ADAM7: variants seen among roughly 807,000 people sequenced by gnomAD.
ADAM7 encodes disintegrin and metalloproteinase domain-containing protein 7.
In ADAM7, 97 loss-of-function variants were observed where a neutral mutation model predicts 102.9. The observed-to-expected ratio is 0.94, with a 90% CI of 0.80 to 1.12. The LOEUF is 1.12. ADAM7 is among the 50% of genes most tolerant of loss of function. The pLI is 0.00. For missense variants in ADAM7, 991 were observed against 908.7 expected (o/e 1.09, Z -1.16); for synonymous variants, 334 against 304.4 (o/e 1.10, Z -1.01).
At chr8:24,455,333 T>C (rs572222728) in intron 3 of ADAM7, among the ~76,000 whole-genome samples, 1 of 152,350 alleles carries the variant, frequency 6.6e-6, no homozygotes, top group African/African-American at 2.4e-5. Context: ...TTATGCATTT[T>C]AAATTATATT....
In ADAM7 at chr8:24,508,935, G is replaced by A; in HGVS notation, c.*389G>A. On this transcript the variant is annotated 3_prime_UTR_variant, in exon 22 of 22. Coordinates refer to ENST00000175238, the MANE Select transcript of ADAM7 (RefSeq NM_003817.4). The stretch of plus-strand genomic sequence containing the variant: ...ATTGCATATAAAAAGTTACTTTTTT[G>A]GAAACATAAAAGTACGTTTTAAAAC... 2 of 1,033,060 alleles carry A rather than the reference G, an allele frequency of 1.9e-6. No individual in the cohort carries two copies. Among genetic ancestry groups the A allele is most frequent in the Non-Finnish European group, 2.3e-6 (2 of 861,888 alleles). 64.0% of individuals were successfully genotyped at this position (1,033,060 alleles called of 1,614,324 possible). A position where few individuals can be genotyped will look rare whatever the true frequency, so the allele number is the denominator to read the frequency against.
chr8:24,458,433 T>C (rs1320799228), intron 3 of ADAM7, among the ~76,000 whole-genome samples: 1 of 152,196 alleles, frequency 6.6e-6, no homozygotes, highest in African/African-American at 2.4e-5. Flanking sequence ...TAAGCTGAAT[T>C]GTCTTTATTA....
intron 13 of ADAM7, among the ~76,000 whole-genome samples, chr8:24,491,690 T>C (rs1343035803): frequency 6.6e-6 from 1 of 152,158 alleles, no homozygotes; most frequent in Non-Finnish European, 1.5e-5. Flanking sequence ...GCTGCTGTAA[T>C]ACCAAACTTC....
chr8:24,461,285 C>G (rs1270283549), intron 3 of ADAM7, among the ~76,000 whole-genome samples: 2 of 151,920 alleles, frequency 1.3e-5, no homozygotes, highest in Non-Finnish European at 2.9e-5. Context: ...GCCACTACGC[C>G]CAGCCGGTTT....
intron 11 of ADAM7, among the ~76,000 whole-genome samples, chr8:24,487,976 A>T (rs1326220889): frequency 6.6e-6 from 1 of 152,086 alleles, no homozygotes; most frequent in Non-Finnish European, 1.5e-5. Flanking sequence ...CTTCCTTCAC[A>T]TCTTTACTCA....
At chr8:24,449,725 A>T (rs1818707603) in intron 3 of ADAM7, among the ~76,000 whole-genome samples, 2 of 152,114 alleles carry the variant, frequency 1.3e-5, no homozygotes, top group Admixed American at 1.3e-4. Context: ...GTCCTTGCCC[A>T]TGCCTATGTC....
At chr8:24,500,763 T>A in intron 18 of ADAM7, 27 bp from the exon 19 acceptor site, 2 of 1,578,404 alleles carry the variant, frequency 1.3e-6, no homozygotes, top group Non-Finnish European at 1.7e-6. Flanking sequence ...ATACCCTCGA[T>A]GAAGCCCATG....
At chr8:24,480,851 G>A (rs1355033126) in intron 8 of ADAM7, among the ~76,000 whole-genome samples, 1 of 151,956 alleles carries the variant, frequency 6.6e-6, no homozygotes, top group African/African-American at 2.4e-5. Context: ...ACTAGACTGG[G>A]CAACAAACTG....
intron 5 of ADAM7, 44 bp downstream of exon 5, chr8:24,465,819 G>A (rs1338452482): frequency 2.1e-6 from 3 of 1,443,026 alleles, no homozygotes; most frequent in African/African-American, 1.4e-5. Flanking sequence ...GTTTTCCTAT[G>A]GATTTTCAAA....
At chr8:24,505,965 T>C (rs1820936205) in intron 20 of ADAM7, 19 of 697,192 alleles carry the variant, frequency 2.7e-5, no homozygotes, top group South Asian at 2.6e-4. Flanking sequence ...ATTTGTCTTA[T>C]AGACAGGCCC....
In ADAM7 at chr8:24,500,782, T is replaced by C. The variant is rs769639345; in HGVS notation, c.2003-8T>C. 6.2e-6 allele frequency: 10 copies of C among 1,608,446 alleles called. No homozygotes were observed. Among genetic ancestry groups the C allele is most frequent in the Admixed American group, 3.3e-5 (2 of 59,878 alleles). ...CCTCGATGAAGCCCATGTTTCTTCATGTTGCAGATATCACCATCTTGGTTG... is the reference window on the plus strand; with the variant it reads ...CCTCGATGAAGCCCATGTTTCTTCACGTTGCAGATATCACCATCTTGGTTG... On this transcript the variant is annotated splice_region_variant and splice_polypyrimidine_tract_variant and intron_variant, in intron 18 of 21. Transcript: ENST00000175238.
chr8:24,507,258 G>T (rs968149460), intron 20 of ADAM7, among the ~76,000 whole-genome samples: 2 of 152,020 alleles, frequency 1.3e-5, no homozygotes, highest in Admixed American at 6.6e-5. Flanking sequence ...ATACAACTTT[G>T]CTTAACCAAC....
intron 3 of ADAM7, among the ~76,000 whole-genome samples, chr8:24,456,937 CAT>C (rs1201055562): frequency 5.3e-5 from 8 of 152,108 alleles, no homozygotes; most frequent in African/African-American, 9.7e-5. Context: ...TTTTTATAAA[CAT>C]ATGTTTTCAT....
At chr8:24,476,025 G>A (rs1167869592) in intron 7 of ADAM7, 2 of 450,220 alleles carry the variant, frequency 4.4e-6, no homozygotes, top group Non-Finnish European at 8.9e-6. Context: ...TGAACACCAA[G>A]GACACAGAAG....
chr8:24,465,486 A>G (rs1443030839), intron 4 of ADAM7, among the ~76,000 whole-genome samples: 1 of 152,244 alleles, frequency 6.6e-6, no homozygotes, highest in Non-Finnish European at 1.5e-5. Context: ...ACTTTGCTTT[A>G]CACAACATAA....
At position 24,495,008 on chromosome 8, in the gene ADAM7, C is replaced by T. The variant is rs550169449; in HGVS notation, c.1842+1779C>T. Among the ~76,000 whole-genome samples, 29 of 152,232 alleles carry T rather than the reference C, an allele frequency of 1.9e-4. No homozygotes were observed. The South Asian group carries it at 6.0e-3, about 32-fold the overall frequency. On this transcript the variant is annotated intron_variant, in intron 16 of 21. Coordinates refer to ENST00000175238, the MANE Select transcript of ADAM7 (RefSeq NM_003817.4). ...GCTCCAGACAGGGTTTCAGTGGAGGCTTATGGGGAGTCAGGACATTCACCA... is the reference window on the plus strand; with the variant it reads ...GCTCCAGACAGGGTTTCAGTGGAGGTTTATGGGGAGTCAGGACATTCACCA...
intron 3 of ADAM7, among the ~76,000 whole-genome samples, chr8:24,462,597 C>G: frequency 6.6e-6 from 1 of 152,254 alleles, no homozygotes; most frequent in East Asian, 1.9e-4. Context: ...TGCTTTTGCT[C>G]GGTACCTAGA....
At chr8:24,451,538 C>T (rs144035668) in intron 3 of ADAM7, among the ~76,000 whole-genome samples, 19,032 of 152,070 alleles carry the variant, frequency 0.13, 1,553 homozygotes, top group Non-Finnish European at 0.18. Flanking sequence ...ATTCTTCTCT[C>T]GTTTCTTCTT....
chr8:24,502,396 A>AG (rs1268739409), intron 20 of ADAM7, among the ~76,000 whole-genome samples: 1 of 152,006 alleles, frequency 6.6e-6, no homozygotes, highest in Non-Finnish European at 1.5e-5. Context: ...CAATATATGC[A>AG]GAAAAAAAGA....
Sources: gnomAD v4.1 joint callset for allele counts (sites outside exome capture counted in the v4.1 genomes callset) on GRCh38, gnomAD v4.1.1 for gene constraint, MANE v1.5 for transcripts, NCBI Gene and HGNC (gene_info 2026-07-23, HGNC 2026-07-21) for gene names.